BAZ2B: variants seen among roughly 807,000 people sequenced by gnomAD.
BAZ2B encodes bromodomain adjacent to zinc finger domain protein 2B.
BAZ2B carries 91 observed loss-of-function variants against 246.0 expected under a neutral mutation model. That is an observed-to-expected ratio of 0.37 (90% CI 0.31 to 0.44). The LOEUF (loss-of-function observed/expected upper bound fraction) is 0.44. Among genes scored for constraint, BAZ2B ranks in the 20% least tolerant of loss-of-function variants. The pLI, the probability that BAZ2B is intolerant of heterozygous loss-of-function variation, is 1.00. For missense variants in BAZ2B, 2,332 were observed against 2,533.7 expected, an observed-to-expected ratio of 0.92 and a Z score of 1.71; for synonymous variants, 855 against 860.0, an observed-to-expected ratio of 0.99 and a Z score of 0.10.
At chr2:159,459,492 C>G (rs1432947903) in intron 3 of BAZ2B, 2 of 152,132 alleles carry the variant, frequency 1.3e-5, no homozygotes, top group Admixed American at 6.5e-5. Flanking sequence ...TGGCTTTAAT[C>G]TTTTTATACA....
intron 1 of BAZ2B, among the ~76,000 whole-genome samples, chr2:159,579,659 G>A (rs1226932320): frequency 6.6e-6 from 1 of 152,052 alleles, no homozygotes; most frequent in South Asian, 2.1e-4. Flanking sequence ...GATGAACATC[G>A]ATGCAAAAAT....
intron 2 of BAZ2B, among the ~76,000 whole-genome samples, chr2:159,495,948 TTTTAGTAAAGATG>T (rs2081070262): frequency 6.6e-6 from 1 of 151,472 alleles, no homozygotes; most frequent in Non-Finnish European, 1.5e-5. Context: ...TTTTTTTGTA[TTTTAGTAAAGATG>T]GGGTTTCACG....
intron 13 of BAZ2B, among the ~76,000 whole-genome samples, chr2:159,420,044 A>G (rs1456833872): frequency 6.6e-6 from 1 of 152,154 alleles, no homozygotes; most frequent in African/African-American, 2.4e-5. Flanking sequence ...ACAAAACCCT[A>G]ATTTTTAGCT....
chr2:159,619,752 T>A (rs915621304), upstream of BAZ2B, among the ~76,000 whole-genome samples: 1 of 152,050 alleles, frequency 6.6e-6, no homozygotes. Flanking sequence ...AAATTATTTT[T>A]AAAATATGAT....
chr2:159,704,462 C>T, the BAZ2B span, among the ~76,000 whole-genome samples: 82 of 122,132 alleles, frequency 6.7e-4, no homozygotes, highest in South Asian at 1.4e-3. Flanking sequence ...CTCCCTCCCT[C>T]CCTCTCTATC....
intron 2 of BAZ2B, among the ~76,000 whole-genome samples, chr2:159,503,772 G>A (rs539474287): frequency 1.3e-3 from 196 of 152,044 alleles, no homozygotes; most frequent in African/African-American, 4.5e-3. Flanking sequence ...GTAGAGACAG[G>A]GTTTCACCAC....
At chr2:159,451,720 T>C (rs895657291) in intron 4 of BAZ2B, among the ~76,000 whole-genome samples, 1 of 152,198 alleles carries the variant, frequency 6.6e-6, no homozygotes, top group African/African-American at 2.4e-5. Flanking sequence ...CTTAAATGAA[T>C]AAGTGAATAC....
chr2:159,575,378 A>C (rs1316289322), intron 1 of BAZ2B, among the ~76,000 whole-genome samples: 1 of 152,208 alleles, frequency 6.6e-6, no homozygotes, highest in African/African-American at 2.4e-5. Flanking sequence ...TAAAAAATAG[A>C]AGTGAAGTCA....
intron 26 of BAZ2B, 51 bp downstream of exon 26, chr2:159,374,640 G>A (rs777661338): frequency 2.8e-5 from 42 of 1,503,374 alleles, no homozygotes; most frequent in Admixed American, 1.2e-4. Flanking sequence ...TTACAATGTA[G>A]ATTTCTAAAA....
At chr2:159,700,705 A>C in the BAZ2B span, among the ~76,000 whole-genome samples, 1 of 152,146 alleles carries the variant, frequency 6.6e-6, no homozygotes, top group Non-Finnish European at 1.5e-5. Context: ...TCAGCCTCCC[A>C]AAGTGTTGGG....
chr2:159,699,594 T>C, the BAZ2B span, among the ~76,000 whole-genome samples: 1 of 152,148 alleles, frequency 6.6e-6, no homozygotes, highest in Non-Finnish European at 1.5e-5. Context: ...CAAAGTTTAT[T>C]CTTCATAGAG....
At chr2:159,489,783 C>T (rs1184601874) in intron 2 of BAZ2B, among the ~76,000 whole-genome samples, 3 of 152,062 alleles carry the variant, frequency 2.0e-5, no homozygotes, top group African/African-American at 4.8e-5. Flanking sequence ...ACTACAGGCA[C>T]CTATCTGTAG....
intron 2 of BAZ2B, among the ~76,000 whole-genome samples, chr2:159,480,317 C>T (rs900264695): frequency 6.6e-6 from 1 of 151,898 alleles, no homozygotes; most frequent in African/African-American, 2.4e-5. Flanking sequence ...AATTTGGTGA[C>T]ATAATAAGAT....
chr2:159,619,331 G>A (rs182482152), upstream of BAZ2B, among the ~76,000 whole-genome samples: 20 of 151,792 alleles, frequency 1.3e-4, no homozygotes, highest in African/African-American at 4.8e-4. Context: ...AAGGGGAAAA[G>A]GGGTGACAGT....
At chr2:159,591,978 G>C (rs2151705746) in intron 1 of BAZ2B, among the ~76,000 whole-genome samples, 1 of 152,184 alleles carries the variant, frequency 6.6e-6, no homozygotes, top group South Asian at 2.1e-4. Context: ...AAAGCAGCCA[G>C]GCATGATGGT....
chr2:159,474,096 G>T (rs999669343), intron 3 of BAZ2B, among the ~76,000 whole-genome samples: 12 of 152,250 alleles, frequency 7.9e-5, no homozygotes, highest in Admixed American at 7.2e-4. Flanking sequence ...CCACAGCTGA[G>T]TTCAAGTCCC....
At chr2:159,423,989 C>T (rs1030929006) in intron 13 of BAZ2B, among the ~76,000 whole-genome samples, 17 of 152,102 alleles carry the variant, frequency 1.1e-4, no homozygotes, top group Non-Finnish European at 2.4e-4. Context: ...AACCTGTACA[C>T]GTACCCCTGA....
In BAZ2B at chr2:159,485,083, T is replaced by C. The variant is rs771311070; in HGVS notation, c.-2-6362A>G. On this transcript the variant is annotated intron_variant, in intron 2 of 36. Coordinates refer to ENST00000392783, the MANE Select transcript of BAZ2B (RefSeq NM_013450.4). The stretch of plus-strand genomic sequence containing the variant: ...GAGGTAGTCACTATGCTACTTCTTT[T>C]GGTTTATCAGAACCACTAAGAGTAG... Among the ~76,000 whole-genome samples the C allele has an allele frequency of 3.9e-5, 6 of 152,182 alleles. No individual in the cohort carries two copies. In the East Asian group the frequency reaches 9.6e-4, roughly 24 times the overall value.
At chr2:159,637,991 C>T in the BAZ2B span, among the ~76,000 whole-genome samples, 1 of 152,252 alleles carries the variant, frequency 6.6e-6, no homozygotes, top group Non-Finnish European at 1.5e-5. Context: ...GTGCTGGCTT[C>T]AGGTCTGACC....
Sources: gnomAD v4.1 joint callset for allele counts (sites outside exome capture counted in the v4.1 genomes callset) on GRCh38, gnomAD v4.1.1 for gene constraint, MANE v1.5 for transcripts, NCBI Gene and HGNC (gene_info 2026-07-23, HGNC 2026-07-21) for gene names.